PTPRE: variants seen among roughly 807,000 people sequenced by gnomAD.
PTPRE encodes the protein receptor-type tyrosine-protein phosphatase epsilon.
PTPRE carries 51 observed loss-of-function variants against 102.0 expected under a neutral mutation model. The observed-to-expected ratio is 0.50, with a 90% confidence interval of 0.40 to 0.63. The LOEUF (loss-of-function observed/expected upper bound fraction) is 0.63, where lower values mean the gene tolerates loss of function less well. Ranked by LOEUF, PTPRE falls within the 30% of genes least tolerant of loss-of-function variation. PTPRE has a pLI of 0.00. For synonymous variants in PTPRE, 345 were observed against 348.2 expected (o/e 0.99, Z 0.10); for missense variants, 752 against 915.1 (o/e 0.82, Z 2.30).
chr10:127,991,020 G>A (rs1450756963), intron 2 of PTPRE, among the ~76,000 whole-genome samples: 7 of 152,156 alleles, frequency 4.6e-5, no homozygotes, highest in South Asian at 2.1e-4. Flanking sequence ...CGGGGGCCGC[G>A]TGATGGTTTA....
chr10:127,948,086 G>C (rs1848753102), intron 1 of PTPRE, among the ~76,000 whole-genome samples: 1 of 152,134 alleles, frequency 6.6e-6, no homozygotes, highest in South Asian at 2.1e-4. Flanking sequence ...TGAAGCTTTT[G>C]AGCCCTGTAG....
chr10:127,984,031 C>T (rs531581070), intron 2 of PTPRE, among the ~76,000 whole-genome samples: 1 of 151,928 alleles, frequency 6.6e-6, no homozygotes, highest in Admixed American at 6.6e-5. Flanking sequence ...CAGGGGGCAC[C>T]TCCCTTTTCC....
intron 1 of PTPRE, among the ~76,000 whole-genome samples, chr10:127,925,318 A>G (rs1399598222): frequency 6.6e-6 from 1 of 152,090 alleles, no homozygotes; most frequent in Non-Finnish European, 1.5e-5. Flanking sequence ...TTGACATCCT[A>G]TTTGTCACCT....
chr10:128,051,761 A>G lies in PTPRE; in HGVS notation c.420+2095A>G, dbSNP rs569449875. On this transcript the variant is annotated intron_variant, in intron 6 of 20. Coordinates refer to ENST00000254667, the MANE Select transcript of PTPRE (RefSeq NM_006504.6). ...CCTTGTGCTCAGTGACAGGCAGGGT[A>G]GAGACGCGGTGGAGGGGAAGAACAC... Among the ~76,000 whole-genome samples, 6 of 152,338 alleles carry G rather than the reference A, an allele frequency of 3.9e-5. No individual in the cohort carries two copies. The East Asian group carries it at 1.2e-3, about 29-fold the overall frequency.
At chr10:128,076,770 A>G in intron 18 of PTPRE, 42 bp downstream of exon 18, 4 of 1,606,438 alleles carry the variant, frequency 2.5e-6, no homozygotes, top group Non-Finnish European at 3.4e-6. Flanking sequence ...GAATTTAGTG[A>G]ACCACGCCCT....
chr10:128,068,154 T>A lies in PTPRE; in HGVS notation c.875T>A (p.Leu292Gln). The A allele has an allele frequency of 6.2e-7, 1 of 1,614,006 alleles. No homozygotes were observed. The highest frequency in any genetic ancestry group is 1.7e-4 in the Middle Eastern group (1 of 6,058). ...QLPDGCKAPR[L>Q]VSQLHFTSWP... ...CCCGACGGCTGCAAAGCCCCCAGGCTGGTCTCACAGCTGCACTTCACCAGC... is the reference window on the plus strand; with the variant it reads ...CCCGACGGCTGCAAAGCCCCCAGGCAGGTCTCACAGCTGCACTTCACCAGC... Residue 292 changes from leucine (L) to glutamine (Q), a missense_variant, in exon 12 of 21, where the codon CTG (leucine) becomes CAG (glutamine). This residue lies in a region of PTPRE where 636 missense variants were observed against 824.4 expected (regional missense o/e 0.77). Transcript: ENST00000254667.
chr10:128,037,957 ATTTTTTTTTTTTT>A (rs34089996), intron 2 of PTPRE, among the ~76,000 whole-genome samples: 10 of 115,956 alleles, frequency 8.6e-5, no homozygotes, highest in Non-Finnish European at 1.6e-4. Context: ...TGTCCGGCTA[ATTTTTTTTTTTTT>A]TTTTTTTTTT....
At chr10:127,960,844 C>T (rs1441000567) in intron 1 of PTPRE, among the ~76,000 whole-genome samples, 1 of 151,886 alleles carries the variant, frequency 6.6e-6, no homozygotes, top group Non-Finnish European at 1.5e-5. Context: ...ATGGTGAAAC[C>T]CCGTCTCTAC....
At chr10:127,990,766 G>A (rs1035240053) in intron 2 of PTPRE, among the ~76,000 whole-genome samples, 8 of 152,122 alleles carry the variant, frequency 5.3e-5, no homozygotes, top group East Asian at 1.9e-4. Context: ...CTCCTGCCTC[G>A]CTCATTTGTT....
chr10:128,084,894 C>T lies in PTPRE; in HGVS notation c.*1988C>T. 1 of 223,686 alleles carries T rather than the reference C, an allele frequency of 4.5e-6. No individual in the cohort carries two copies. Among genetic ancestry groups the T allele is most frequent in the Non-Finnish European group, 9.5e-6 (1 of 104,846 alleles). 13.9% of individuals were successfully genotyped at this position (223,686 alleles called of 1,614,324 possible). A position where few individuals can be genotyped will look rare whatever the true frequency, so the allele number is the denominator to read the frequency against. On this transcript the variant is annotated 3_prime_UTR_variant, in exon 21 of 21. Coordinates refer to ENST00000254667, the MANE Select transcript of PTPRE (RefSeq NM_006504.6). The stretch of plus-strand genomic sequence containing the variant: ...ATGTCTAGGAGCCCTCTGTCAGAAT[C>T]CTTGAAGCCCTTTAATGGTCTAACT...
At chr10:127,917,681 T>C (rs1001730422) in intron 1 of PTPRE, among the ~76,000 whole-genome samples, 3 of 152,004 alleles carry the variant, frequency 2.0e-5, no homozygotes, top group Non-Finnish European at 4.4e-5. Flanking sequence ...ATTTTTTTTA[T>C]TTTGAAAATT....
intron 2 of PTPRE, among the ~76,000 whole-genome samples, chr10:128,029,991 G>A (rs1162908874): frequency 6.6e-6 from 1 of 152,224 alleles, no homozygotes; most frequent in African/African-American, 2.4e-5. Flanking sequence ...ACAGGAGGAT[G>A]AAAAACCTCA....
intron 2 of PTPRE, among the ~76,000 whole-genome samples, chr10:127,984,368 AC>A (rs1851905892): frequency 6.6e-6 from 1 of 152,150 alleles, no homozygotes; most frequent in Admixed American, 6.5e-5. Flanking sequence ...AGCATGAGCC[AC>A]CGCGCCTGGC....
At chr10:128,059,290 G>A (rs1849291585) in intron 7 of PTPRE, among the ~76,000 whole-genome samples, 1 of 152,142 alleles carries the variant, frequency 6.6e-6, no homozygotes, top group Non-Finnish European at 1.5e-5. Context: ...GTAAGTTTGG[G>A]GTCTGACTCC....
chr10:127,959,815 C>T (rs1473798185), intron 1 of PTPRE, among the ~76,000 whole-genome samples: 1 of 152,148 alleles, frequency 6.6e-6, no homozygotes, highest in Non-Finnish European at 1.5e-5. Context: ...AATAATATGA[C>T]CCACCTTGCA....
intron 2 of PTPRE, among the ~76,000 whole-genome samples, chr10:128,002,562 T>A (rs1369140355): frequency 6.6e-6 from 1 of 152,046 alleles, no homozygotes; most frequent in Non-Finnish European, 1.5e-5. Context: ...GGCCTGCTCC[T>A]GGCTGCTGGA....
intron 19 of PTPRE, 57 bp from the exon 20 acceptor site, chr10:128,079,503 A>G: frequency 1.9e-6 from 3 of 1,588,118 alleles, no homozygotes; most frequent in South Asian, 1.1e-5. Flanking sequence ...TCAGCTCTCC[A>G]TTTCTCATCC....
At chr10:128,034,325 A>ACCCC in intron 2 of PTPRE, among the ~76,000 whole-genome samples, 1 of 147,154 alleles carries the variant, frequency 6.8e-6, no homozygotes, top group African/African-American at 2.6e-5. Flanking sequence ...CCTCCACACC[A>ACCCC]CCCCCCCCAC....
intron 2 of PTPRE, among the ~76,000 whole-genome samples, chr10:128,032,309 C>G (rs868103561): frequency 6.8e-4 from 103 of 152,270 alleles, no homozygotes; most frequent in African/African-American, 2.4e-3. Context: ...AGCTACCATG[C>G]CTGGCTGAAA....
Sources: gnomAD v4.1 joint callset for allele counts (sites outside exome capture counted in the v4.1 genomes callset) on GRCh38, gnomAD v4.1.1 for gene constraint, gnomAD v4.1.1 regional missense constraint, MANE v1.5 for transcripts, NCBI Gene and HGNC (gene_info 2026-07-23, HGNC 2026-07-21) for gene names.